Variants in MAPK10 observed in about 807,000 individuals in gnomAD.
The protein encoded by MAPK10 is JNK3 alpha protein kinase.
In MAPK10, 25 loss-of-function variants were observed where a neutral mutation model predicts 59.3. That is an observed-to-expected ratio of 0.42 (90% CI 0.31 to 0.59). The LOEUF (loss-of-function observed/expected upper bound fraction) is 0.59, where lower values mean the gene tolerates loss of function less well. Ranked by LOEUF, MAPK10 falls within the 20% of genes least tolerant of loss-of-function variation. The pLI is 0.15. For synonymous variants in MAPK10, 190 were observed against 200.5 expected (o/e 0.95, Z 0.44); for missense variants, 351 against 568.9 (o/e 0.62, Z 3.90).
intron 11 of MAPK10, among the ~76,000 whole-genome samples, chr4:86,061,971 T>A (rs2045847795): frequency 6.6e-6 from 1 of 152,184 alleles, no homozygotes; most frequent in African/African-American, 2.4e-5. Context: ...TATCTTATGT[T>A]AAACACATGT....
At chr4:86,372,577 A>AG (rs1406458172) in intron 1 of MAPK10, among the ~76,000 whole-genome samples, 1 of 121,600 alleles carries the variant, frequency 8.2e-6, no homozygotes, top group Non-Finnish European at 1.8e-5. Context: ...AGAAAAGAAA[A>AG]GAAAAGAAAA....
At chr4:86,560,823 T>G (rs535999985) in intron 1 of MAPK10, among the ~76,000 whole-genome samples, 2 of 152,248 alleles carry the variant, frequency 1.3e-5, no homozygotes, top group South Asian at 4.1e-4. Context: ...AGTTAATGGA[T>G]TCTTTCCTGT....
intron 1 of MAPK10, among the ~76,000 whole-genome samples, chr4:86,517,967 C>G (rs963730839): frequency 3.3e-5 from 5 of 152,022 alleles, no homozygotes; most frequent in Non-Finnish European, 5.9e-5. Context: ...CTTGTTATTG[C>G]TCTGTTCAGA....
chr4:86,136,850 C>T (rs542759233), intron 4 of MAPK10, among the ~76,000 whole-genome samples: 1 of 151,772 alleles, frequency 6.6e-6, no homozygotes, highest in South Asian at 2.1e-4. Context: ...ATCTACCAAG[C>T]CAATGGAAAA....
chr4:86,189,920 C>A (rs2079249953), intron 3 of MAPK10, among the ~76,000 whole-genome samples: 1 of 152,104 alleles, frequency 6.6e-6, no homozygotes, highest in Non-Finnish European at 1.5e-5. Flanking sequence ...AGATACGTTC[C>A]ATCAGTGCCT....
intron 1 of MAPK10, among the ~76,000 whole-genome samples, chr4:86,560,460 C>T (rs1012806717): frequency 9.2e-5 from 14 of 152,162 alleles, no homozygotes; most frequent in African/African-American, 2.7e-4. Context: ...TAATGGAATT[C>T]TTGTTTAAAG....
At chr4:86,188,722 T>G (rs2078898465) in intron 3 of MAPK10, among the ~76,000 whole-genome samples, 1 of 152,242 alleles carries the variant, frequency 6.6e-6, no homozygotes, top group Admixed American at 6.5e-5. Context: ...TAATTTCTTT[T>G]GCTGTGCAGA....
upstream of MAPK10, among the ~76,000 whole-genome samples, chr4:86,364,134 GTT>G (rs1737449723): frequency 6.8e-6 from 1 of 146,722 alleles, no homozygotes; most frequent in Admixed American, 6.8e-5. Context: ...GATTTGTTTT[GTT>G]TTGTTTTTGA....
At chr4:86,169,031 C>G (rs1287901008) in intron 3 of MAPK10, among the ~76,000 whole-genome samples, 1 of 152,100 alleles carries the variant, frequency 6.6e-6, no homozygotes, top group Non-Finnish European at 1.5e-5. Flanking sequence ...AACTAACAAA[C>G]AGAAAGGACA....
At chr4:86,088,438 A>C (rs756812589) in intron 9 of MAPK10, among the ~76,000 whole-genome samples, 3 of 152,152 alleles carry the variant, frequency 2.0e-5, no homozygotes, top group Non-Finnish European at 4.4e-5. Context: ...CTTCCACTTC[A>C]GCCTTCCAAA....
chr4:86,344,404 A>G (rs1726888348), intron 2 of MAPK10, among the ~76,000 whole-genome samples: 1 of 152,198 alleles, frequency 6.6e-6, no homozygotes, highest in Admixed American at 6.5e-5. Flanking sequence ...AGTGTGAGCC[A>G]CTATGCCTGC....
chr4:86,091,536 ATTTTTTTTTTTTTT>A (rs71657508), intron 9 of MAPK10: 5 of 67,416 alleles, frequency 7.4e-5, no homozygotes, highest in Non-Finnish European at 1.0e-4. Flanking sequence ...AAATCCCTTG[ATTTTTTTTTTTTTT>A]TTTTTTTTTT....
chr4:86,196,463 GC>G (rs923784022), intron 2 of MAPK10, among the ~76,000 whole-genome samples: 37 of 152,062 alleles, frequency 2.4e-4, no homozygotes, highest in African/African-American at 8.0e-4. Flanking sequence ...CTGGATATTA[GC>G]CCTTTGTCAG....
intron 11 of MAPK10, among the ~76,000 whole-genome samples, chr4:86,041,872 TG>T (rs1407582639): frequency 2.0e-5 from 3 of 152,264 alleles, no homozygotes; most frequent in East Asian, 3.9e-4. Context: ...TTGCTGGGAG[TG>T]TAAATTAGTT....
intron 2 of MAPK10, among the ~76,000 whole-genome samples, chr4:86,346,215 T>C (rs1406360407): frequency 6.6e-6 from 1 of 152,136 alleles, no homozygotes; most frequent in African/African-American, 2.4e-5. Context: ...TATGACATGA[T>C]ATAAAGGTGT....
chr4:86,209,971 A>G (rs1284651455), intron 2 of MAPK10, among the ~76,000 whole-genome samples: 2 of 152,070 alleles, frequency 1.3e-5, no homozygotes, highest in Admixed American at 6.6e-5. Context: ...AAACAAATCC[A>G]TACATCTACA....
chr4:86,089,598 CCTA>C (rs1308216569), intron 9 of MAPK10: 1 of 211,044 alleles, frequency 4.7e-6, no homozygotes, highest in Non-Finnish European at 9.4e-6. Flanking sequence ...TTACTAGAAT[CCTA>C]CTGATTTTTA....
chr4:86,475,918 CTTA>C (rs971535410), intron 1 of MAPK10, among the ~76,000 whole-genome samples: 1 of 152,090 alleles, frequency 6.6e-6, no homozygotes, highest in African/African-American at 2.4e-5. Flanking sequence ...ACCTAAACGC[CTTA>C]TTTTCTTCTA....
chr4:86,085,386 AAAC>A (rs1470660430), intron 9 of MAPK10, among the ~76,000 whole-genome samples: 4 of 152,200 alleles, frequency 2.6e-5, no homozygotes, highest in African/African-American at 9.6e-5. Flanking sequence ...TAAGGAGCTC[AAAC>A]AACTCTATAG....
Sources: allele counts gnomAD v4.1 joint callset (sites outside exome capture counted in the v4.1 genomes callset), GRCh38; gene constraint gnomAD v4.1.1; transcripts MANE v1.5; gene names NCBI Gene and HGNC (gene_info 2026-07-23, HGNC 2026-07-21).